FLOT2: variants seen among roughly 807,000 people sequenced by gnomAD.
The protein encoded by FLOT2 is flotillin 2.
A neutral mutation model predicts 54.9 loss-of-function variants in FLOT2; 35 were observed. The ratio of observed to expected loss-of-function variants is 0.64; its 90% confidence interval spans 0.49 to 0.84. FLOT2 has a LOEUF of 0.84. FLOT2 is among the 40% of genes least tolerant of loss of function. FLOT2 has a pLI of 0.00. For missense variants in FLOT2, 464 were observed against 572.1 expected, an observed-to-expected ratio of 0.81 and a Z score of 1.93; for synonymous variants, 207 against 228.9, an observed-to-expected ratio of 0.90 and a Z score of 0.86.
chr17:28,897,620 A>T lies in FLOT2; in HGVS notation c.-46T>A. 6.7e-7 allele frequency: 1 copy of T among 1,498,164 alleles called. No individual in the cohort carries two copies. 92.8% of individuals were successfully genotyped at this position (1,498,164 alleles called of 1,614,324 possible). On this transcript the variant is annotated 5_prime_UTR_variant, in exon 1 of 11. Coordinates refer to ENST00000394908, the MANE Select transcript of FLOT2 (RefSeq NM_004475.3). This position sits in a 1 kb window ranked among gnomAD's most constrained non-coding sequence, Gnocchi z 4.4. Reference sequence around the variant, plus strand: ...CCCTCGGGACCGCACAGACCCGGACAACAGCAGCGGGTCTGCAGCGCCGGC... The same window carrying T: ...CCCTCGGGACCGCACAGACCCGGACTACAGCAGCGGGTCTGCAGCGCCGGC...
chr17:28,880,550 C>G lies in FLOT2; in HGVS notation c.*11G>C. Reference sequence around the variant, plus strand: ...CGGGTGGCTGCTGAAGAGAGTGGGCCTGCAGGAGCCTCACACCTGCACACC... The same window carrying G: ...CGGGTGGCTGCTGAAGAGAGTGGGCGTGCAGGAGCCTCACACCTGCACACC... On this transcript the variant is annotated 3_prime_UTR_variant, in exon 11 of 11. Coordinates refer to ENST00000394908, the MANE Select transcript of FLOT2 (RefSeq NM_004475.3). The G allele has an allele frequency of 6.2e-7, 1 of 1,613,404 alleles. No homozygotes were observed. Among genetic ancestry groups the G allele is most frequent in the Non-Finnish European group, 8.5e-7 (1 of 1,179,686 alleles).
intron 1 of FLOT2, among the ~76,000 whole-genome samples, chr17:28,895,073 G>C (rs1333733460): frequency 6.6e-6 from 1 of 150,922 alleles, no homozygotes; most frequent in African/African-American, 2.5e-5. Context: ...CACCACTCCT[G>C]GCTAATTTTT....
At chr17:28,881,018 G>A (rs1431155547) in intron 9 of FLOT2, among the ~76,000 whole-genome samples, 156 bp from the exon 10 acceptor site, 2 of 152,182 alleles carry the variant, frequency 1.3e-5, no homozygotes, top group African/African-American at 2.4e-5. Flanking sequence ...CTGTGGGCCA[G>A]GGATGGCTTA....
intron 1 of FLOT2, among the ~76,000 whole-genome samples, chr17:28,896,153 C>T (rs1369274139): frequency 1.3e-5 from 2 of 152,216 alleles, no homozygotes; most frequent in Admixed American, 6.5e-5. Context: ...GCTAACAGTG[C>T]ATTGACTTCT....
rs565912155 is a variant in FLOT2 at position 28,883,914 on chromosome 17, G to A, written c.222+311C>T. Among the ~76,000 whole-genome samples, 28 of 152,304 alleles carry A rather than the reference G, an allele frequency of 1.8e-4. No homozygotes were observed. Among genetic ancestry groups the A allele is most frequent in the African/African-American group, 6.7e-4 (28 of 41,574 alleles). ...GAACAAGGAAGGCCTGGATTCTGGG[G>A]CTTGACATTTCCAACACCTGCAAAG... On this transcript the variant is annotated intron_variant, in intron 3 of 10. Coordinates refer to ENST00000394908, the MANE Select transcript of FLOT2 (RefSeq NM_004475.3). The surrounding 1 kb of genome is among the most constrained non-coding windows in gnomAD (Gnocchi z 5.0).
In FLOT2 at chr17:28,883,098, A is replaced by AGGG. The variant is rs748153415; in HGVS notation, c.346+7_346+9dup. 2 of 1,613,802 alleles carry AGGG rather than the reference A, an allele frequency of 1.2e-6. No homozygotes were observed. The highest frequency in any genetic ancestry group is 2.7e-5 in the African/African-American group (2 of 74,940). On this transcript the variant is annotated intron_variant, in intron 4 of 10. Coordinates refer to ENST00000394908, the MANE Select transcript of FLOT2 (RefSeq NM_004475.3). This position sits in a 1 kb window ranked among gnomAD's most constrained non-coding sequence, Gnocchi z 5.0. ...CCGTGAGGCTCCTCAAAGGCTGAACAGGGCCTCACCGAGGATGGAGCGCAG... is the reference window on the plus strand; with the variant it reads ...CCGTGAGGCTCCTCAAAGGCTGAACAGGGGGGCCTCACCGAGGATGGAGCGCAG...
Position 28,882,126 on chromosome 17 carries a change from TA to T in FLOT2, c.690del (p.Asn231ThrfsTer76). On this transcript the variant is annotated frameshift_variant, in exon 7 of 11. Coordinates refer to ENST00000394908, the MANE Select transcript of FLOT2 (RefSeq NM_004475.3). LOFTEE classifies it high-confidence loss of function. This position sits in a 1 kb window ranked among gnomAD's most constrained non-coding sequence, Gnocchi z 5.6. ...GTCCTCAGGCTGCTCACCTTGATGT[TA>T]ACCTCCTCACTGAAGGCTGACTTTT... is the stretch of plus-strand genomic sequence containing the variant. Reference protein sequence around the residue: ...ELQKSAFSEEVNIKTAEAQLA... With the variant: ...ELQKSAFSEEXNIKTAEAQLA... 6.2e-7 allele frequency: 1 copy of T among 1,614,180 alleles called. No homozygotes were observed. Among genetic ancestry groups the T allele is most frequent in the Non-Finnish European group, 8.5e-7 (1 of 1,180,032 alleles).
intron 2 of FLOT2, chr17:28,886,065 G>A (rs944194919): frequency 1.5e-5 from 9 of 596,202 alleles, no homozygotes; most frequent in South Asian, 4.7e-5. Flanking sequence ...GGGCGGGGGG[G>A]GGCATGCTGT....
rs2039412223 is a variant in FLOT2, at chr17:28,879,463, G to C, written c.*1098C>G. ...AGCTACACAGGCTGGGGCAGGGCCA[G>C]GGTGGGGAGCTGGGACCACTGGACA... is the stretch of plus-strand genomic sequence containing the variant. On this transcript the variant is annotated 3_prime_UTR_variant, in exon 11 of 11. Transcript: ENST00000394908. 2.5e-5 allele frequency: 25 copies of C among 987,452 alleles called. No homozygotes were observed. Among genetic ancestry groups the C allele is most frequent in the Non-Finnish European group, 2.8e-5 (23 of 830,236 alleles). The allele number at this position is 987,452 out of a possible 1,614,324, so 61.2% of individuals were successfully genotyped here.
intron 1 of FLOT2, 29 bp from the exon 2 acceptor site, chr17:28,889,055 C>A (rs2039600081): frequency 6.2e-7 from 1 of 1,603,268 alleles, no homozygotes; most frequent in African/African-American, 1.3e-5. Flanking sequence ...CACCGCAAGT[C>A]AGTCGGTTCT....
chr17:28,884,193 C>T lies in FLOT2; in HGVS notation c.222+32G>A, dbSNP rs181122272. On this transcript the variant is annotated intron_variant, in intron 3 of 10. Transcript: ENST00000394908. The surrounding 1 kb of genome is among the most constrained non-coding windows in gnomAD (Gnocchi z 5.1). ...CCGAGTACGGGACCAGGCAGCTCAA[C>T]GGACATGCGCAGGGCTGCTGAGTTA... 203 of 1,516,776 alleles carry T rather than the reference C, an allele frequency of 1.3e-4. No individual in the cohort carries two copies. In the African/African-American group the frequency reaches 1.9e-3, roughly 14 times the overall value. 94.0% of individuals were successfully genotyped at this position (1,516,776 alleles called of 1,614,324 possible).
In FLOT2 at chr17:28,884,678, C is replaced by A. The variant is rs974285163; in HGVS notation, c.132-363G>T. Among the ~76,000 whole-genome samples the A allele has an allele frequency of 6.6e-6, 1 of 152,208 alleles. No homozygotes were observed. The highest frequency in any genetic ancestry group is 6.5e-5 in the Admixed American group (1 of 15,292). On this transcript the variant is annotated intron_variant, in intron 2 of 10. Coordinates refer to ENST00000394908, the MANE Select transcript of FLOT2 (RefSeq NM_004475.3). This position sits in a 1 kb window ranked among gnomAD's most constrained non-coding sequence, Gnocchi z 5.1. ...GATAGCAAGTCAGTGCTGGTCCTCC[C>A]GGCCCTGCTGTGCAGGCCATCCGTG...
chr17:28,897,454 C>G lies in FLOT2; in HGVS notation c.49+72G>C. On this transcript the variant is annotated intron_variant, in intron 1 of 10. Coordinates refer to ENST00000394908, the MANE Select transcript of FLOT2 (RefSeq NM_004475.3). The surrounding 1 kb of genome is among the most constrained non-coding windows in gnomAD (Gnocchi z 4.4). ...CGGTGGACTCAGGCCCAGCTCTTCC[C>G]CGTGCACTCCCCAGCCCTGCACCCA... 7.0e-7 allele frequency: 1 copy of G among 1,427,190 alleles called. No homozygotes were observed. Among genetic ancestry groups the G allele is most frequent in the Non-Finnish European group, 9.5e-7 (1 of 1,047,918 alleles). The allele number at this position is 1,427,190 out of a possible 1,614,324, so 88.4% of individuals were successfully genotyped here.
rs1164166294 is a variant in FLOT2, at chr17:28,880,760, C to T, written c.1201G>A (p.Glu401Lys). Residue 401 changes from glutamate (E) to lysine (K), a missense_variant, in exon 10 of 11, where the codon GAG becomes AAG. Coordinates refer to ENST00000394908, the MANE Select transcript of FLOT2 (RefSeq NM_004475.3). The part of the protein sequence containing the change: ...VTSEVNRLLA[E>K]LPASVHALTG... ...AGGGCATGCACAGAGGCAGGCAGCT[C>T]GGCCAGCAGTCGGTTCACTTCTGAT... 1.9e-6 allele frequency: 3 copies of T among 1,614,244 alleles called. No individual in the cohort carries two copies. Among genetic ancestry groups the T allele is most frequent in the Non-Finnish European group, 2.5e-6 (3 of 1,180,044 alleles).
chr17:28,882,675 C>T lies in FLOT2; in HGVS notation c.363G>A (p.Glu121=). 1 of 1,613,024 alleles carries T rather than the reference C, an allele frequency of 6.2e-7. No homozygotes were observed. Among genetic ancestry groups the T allele is most frequent in the Non-Finnish European group, 8.5e-7 (1 of 1,179,384 alleles). Reference sequence around the variant, plus strand: ...ACTGGTCCCGGTCCTGATAAATCTGCTCCACTGTCAGGGTCCCTGGGGGCA... The same window carrying T: ...ACTGGTCCCGGTCCTGATAAATCTGTTCCACTGTCAGGGTCCCTGGGGGCA... ...LRSILGTLTV[E]QIYQDRDQFA... is the part of the protein sequence containing the mutation. The change falls in exon 5 of 11, where the codon GAG becomes GAA. Residue 121 remains glutamate, a synonymous_variant. Coordinates refer to ENST00000394908, the MANE Select transcript of FLOT2 (RefSeq NM_004475.3). This position sits in a 1 kb window ranked among gnomAD's most constrained non-coding sequence, Gnocchi z 5.6.
At chr17:28,888,536 A>T (rs562813736) in intron 2 of FLOT2, among the ~76,000 whole-genome samples, 67 of 152,326 alleles carry the variant, frequency 4.4e-4, no homozygotes, top group Middle Eastern at 3.4e-3. Context: ...AAGGGTGTGC[A>T]TGGGGTCCCT....
chr17:28,897,583 CGGCACGGAG>C lies in FLOT2; in HGVS notation c.-18_-10del. On this transcript the variant is annotated 5_prime_UTR_variant, in exon 1 of 11. Transcript: ENST00000394908. This position sits in a 1 kb window ranked among gnomAD's most constrained non-coding sequence, Gnocchi z 4.4. ...GTGTGGCAATTGCCCATGGCGCCGG[CGGCACGGAG>C]GGCCCTCGGGACCGCACAGACCCGG... 1 of 1,593,404 alleles carries C rather than the reference CGGCACGGAG, an allele frequency of 6.3e-7. No homozygotes were observed. The highest frequency in any genetic ancestry group is 1.7e-4 in the Middle Eastern group (1 of 5,824).
At chr17:28,886,064 G>GGGGT in intron 2 of FLOT2, 1 of 601,678 alleles carries the variant, frequency 1.7e-6, no homozygotes, top group Non-Finnish European at 3.1e-6. Context: ...GGGGCGGGGG[G>GGGGT]GGGCATGCTG....
intron 1 of FLOT2, among the ~76,000 whole-genome samples, chr17:28,895,608 CT>C (rs1225218924): frequency 6.6e-6 from 1 of 152,082 alleles, no homozygotes; most frequent in Non-Finnish European, 1.5e-5. Flanking sequence ...TAGTAGGAAA[CT>C]TTTTGCTAAT....
Sources: gnomAD v4.1 joint callset for allele counts (sites outside exome capture counted in the v4.1 genomes callset) on GRCh38, gnomAD v4.1.1 for gene constraint, Gnocchi (gnomAD v3.1) non-coding constraint, MANE v1.5 for transcripts, NCBI Gene and HGNC (gene_info 2026-07-23, HGNC 2026-07-21) for gene names.